CYP2W1: variants seen among roughly 807,000 people sequenced by gnomAD.
CYP2W1 encodes cytochrome P450 2W1.
A neutral mutation model predicts 44.9 loss-of-function variants in CYP2W1; 51 were observed. The ratio of observed to expected loss-of-function variants is 1.14; its 90% CI spans 0.91 to 1.43. The LOEUF (loss-of-function observed/expected upper bound fraction) is 1.43. Among genes scored for constraint, CYP2W1 ranks in the 40% most tolerant of loss-of-function variants. The pLI is 0.00. For synonymous variants in CYP2W1, 383 were observed against 338.3 expected, an observed-to-expected ratio of 1.13 and a Z score of -1.45; for missense variants, 746 against 700.0, an observed-to-expected ratio of 1.07 and a Z score of -0.74.
intron 8 of CYP2W1, 96 bp from the exon 9 acceptor site, chr7:988,539 G>C (rs772664067): frequency 1.3e-6 from 2 of 1,597,470 alleles, no homozygotes; most frequent in Admixed American, 1.7e-5. Context: ...AGGCGGCTGT[G>C]GTGGCTGCTC....
At chr7:988,002 GGGGGGTCCCCTCTGTGTGTCCT>G (rs539565924) in intron 7 of CYP2W1, among the ~76,000 whole-genome samples, 2 of 97,896 alleles carry the variant, frequency 2.0e-5, no homozygotes, top group African/African-American at 3.7e-5. Flanking sequence ...TGTGTGTCCT[GGGGGGTCCCCTCTGTGTGTCCT>G]GGGGGTCCCC....
Position 988,960 on chromosome 7 carries a change from G to A in CYP2W1, c.*138G>A. ...TCCCACCCTCACCCCCACCCCCACA[G>A]GGTCAGCAACTGCTTCCGGTTACAC... On this transcript the variant is annotated 3_prime_UTR_variant, in exon 9 of 9. Transcript: ENST00000308919. 1 of 601,484 alleles carries A rather than the reference G, an allele frequency of 1.7e-6. No individual in the cohort carries two copies. Among genetic ancestry groups the A allele is most frequent in the Non-Finnish European group, 2.9e-6 (1 of 348,320 alleles). 37.3% of individuals were successfully genotyped at this position (601,484 alleles called of 1,614,324 possible). A position where few individuals can be genotyped will look rare whatever the true frequency, so the allele number is the denominator to read the frequency against.
chr7:984,500 C>T lies in CYP2W1; in HGVS notation c.263C>T (p.Ala88Val), dbSNP rs545987026. The T allele has an allele frequency of 7.7e-6, 12 of 1,552,518 alleles. No individual in the cohort carries two copies. The African/African-American group carries it at 8.2e-5, about 11-fold the overall frequency. ...VLTGFEAVKE[A>V]LAGPGQELAD... ...ACGGGGTTCGAGGCGGTCAAAGAGG[C>T]GCTGGCGGGCCCCGGGCAGGAGCTG... Residue 88 changes from alanine (A) to valine (V), a missense_variant, in exon 2 of 9, where the codon GCG becomes GTG. Coordinates refer to ENST00000308919, the MANE Select transcript of CYP2W1 (RefSeq NM_017781.3).
chr7:987,995 G>A (rs1354472836), intron 7 of CYP2W1, among the ~76,000 whole-genome samples: 1 of 100,678 alleles, frequency 9.9e-6, no homozygotes, highest in Non-Finnish European at 2.3e-5. Context: ...TCCCCTCTGT[G>A]TGTCCTGGGG....
Position 988,946 on chromosome 7 carries a change from C to T in CYP2W1, c.*124C>T, listed in dbSNP as rs546003485. The T allele has an allele frequency of 4.7e-6, 3 of 633,348 alleles. No homozygotes were observed. Among genetic ancestry groups the T allele is most frequent in the South Asian group, 2.0e-5 (1 of 49,788 alleles). The allele number at this position is 633,348 out of a possible 1,614,324, so 39.2% of individuals were successfully genotyped here. A position where few individuals can be genotyped will look rare whatever the true frequency, so the allele number is the denominator to read the frequency against. On this transcript the variant is annotated 3_prime_UTR_variant, in exon 9 of 9. Transcript: ENST00000308919. ...AGGGCCCTGAGGACTCCCACCCTCA[C>T]CCCCACCCCCACAGGGTCAGCAACT... is the stretch of plus-strand genomic sequence containing the variant.
intron 7 of CYP2W1, among the ~76,000 whole-genome samples, chr7:987,900 CCT>C (rs1200757486): frequency 2.0e-5 from 3 of 147,630 alleles, no homozygotes; most frequent in African/African-American, 7.8e-5. Flanking sequence ...TGAGGGGTCC[CCT>C]CTGTGTGTCC....
At position 987,381 on chromosome 7, in the gene CYP2W1, C is replaced by T. The variant is rs1445981289; in HGVS notation, c.993C>T (p.Gly331=). The change falls in exon 7 of 9, where the codon GGC becomes GGT. Residue 331 remains glycine, a synonymous_variant. Transcript: ENST00000308919. ...AGGAGGAGCTAGACCGCGTGCTGGG[C>T]CCTGGGCGGACTCCCCGGCTGGAGG... ...RVQEELDRVL[G]PGRTPRLEDQ... The T allele has an allele frequency of 1.3e-6, 2 of 1,594,576 alleles. No individual in the cohort carries two copies. The highest frequency in any genetic ancestry group is 1.3e-5 in the African/African-American group (1 of 74,822).
In CYP2W1 at chr7:988,360, T is replaced by C. The variant is rs1346542770; in HGVS notation, c.1227T>C (p.His409=). 1 of 1,612,548 alleles carries C rather than the reference T, an allele frequency of 6.2e-7. No homozygotes were observed. The highest frequency in any genetic ancestry group is 1.3e-5 in the African/African-American group (1 of 74,896). ...WQTPGQFNPG[H]FLDANGHFVK... ...CCCCAGGCCAGTTCAACCCCGGCCA[T>C]TTCCTGGACGCGAATGGGCACTTTG... The change falls in exon 8 of 9, where the codon CAT becomes CAC. Residue 409 remains histidine (H), a synonymous_variant. Transcript: ENST00000308919.
At position 986,639 on chromosome 7, in the gene CYP2W1, C is replaced by G. The variant is rs764070881; in HGVS notation, c.661C>G (p.Pro221Ala). The change falls in exon 5 of 9, where the codon CCA (proline) becomes GCA (alanine). Residue 221 changes from proline (P) to alanine (A), a missense_variant. By Grantham distance (27) the Pro-to-Ala change is conservative. Transcript: ENST00000308919. The stretch of plus-strand genomic sequence containing the variant: ...TCCTGCCCAGCTGTTCAACGTCTAC[C>G]CATGGCTCGGGGCCCTGCTCCAGCT... The part of the protein sequence containing the change: ...SPGLQLFNVY[P>A]WLGALLQLHR... 3.1e-6 allele frequency: 5 copies of G among 1,612,602 alleles called. No individual in the cohort carries two copies. The African/African-American group carries it at 6.7e-5, about 22-fold the overall frequency.
chr7:986,387 G>A, intron 4 of CYP2W1: 1 of 571,200 alleles, frequency 1.8e-6, no homozygotes, highest in Non-Finnish European at 3.1e-6. Context: ...CAGGATGGAA[G>A]GAGGTCCTGC....
At position 986,801 on chromosome 7, in the gene CYP2W1, T is replaced by G. The variant is rs772222247; in HGVS notation, c.819+4T>G. 3 of 1,546,214 alleles carry G rather than the reference T, an allele frequency of 1.9e-6. No homozygotes were observed. The highest frequency in any genetic ancestry group is 4.6e-5 in the East Asian group (2 of 43,684). On this transcript the variant is annotated splice_donor_region_variant and intron_variant, in intron 5 of 8. Coordinates refer to ENST00000308919, the MANE Select transcript of CYP2W1 (RefSeq NM_017781.3). ...CGCCCTGATCCAGCAGGGACAGGTG[T>G]GTCGGGACCCAAGACCTCCTTGAAG... is the stretch of plus-strand genomic sequence containing the variant.
intron 4 of CYP2W1, among the ~76,000 whole-genome samples, chr7:986,223 G>A (rs1848333972): frequency 6.6e-6 from 1 of 152,196 alleles, no homozygotes; most frequent in Non-Finnish European, 1.5e-5. Flanking sequence ...AGCACCCGCT[G>A]GTGCCAGGCT....
At chr7:988,170 G>A (rs906042032) in intron 7 of CYP2W1, 107 bp from the exon 8 acceptor site, 28 of 1,309,602 alleles carry the variant, frequency 2.1e-5, no homozygotes, top group Middle Eastern at 4.0e-4. Flanking sequence ...CTAACACCAG[G>A]TGTGGTGGGT....
intron 6 of CYP2W1, 41 bp from the exon 7 acceptor site, chr7:987,306 G>A (rs1225730289): frequency 2.6e-6 from 4 of 1,530,344 alleles, no homozygotes; most frequent in Non-Finnish European, 3.5e-6. Context: ...CCAGGGACGA[G>A]GGATGGCGCT....
In CYP2W1 at chr7:988,272, C is replaced by A. The variant is rs988772253; in HGVS notation, c.1144-5C>A. The A allele has an allele frequency of 6.3e-6, 10 of 1,575,604 alleles. No individual in the cohort carries two copies. In the Admixed American group the frequency reaches 8.7e-5, roughly 14 times the overall value. On this transcript the variant is annotated splice_region_variant and splice_polypyrimidine_tract_variant and intron_variant, in intron 7 of 8. Transcript: ENST00000308919. ...CCTCTCTCTGTGCCCCGGCTGCCCC[C>A]ACAGGGCACGCCCGTGATTCCCCTG...
At position 985,078 on chromosome 7, in the gene CYP2W1, G is replaced by C; in HGVS notation, c.466G>C (p.Gly156Arg). The C allele has an allele frequency of 6.2e-7, 1 of 1,612,342 alleles. No individual in the cohort carries two copies. The highest frequency in any genetic ancestry group is 8.5e-7 in the Non-Finnish European group (1 of 1,179,746). The stretch of plus-strand genomic sequence containing the variant: ...TCTGCAGGAGCTGAAATGCCTCTCT[G>C]GGCAGCTGGATGGCTACAGAGGTGA... ...KILQELKCLS[G>R]QLDGYRGRPF... Residue 156 changes from glycine to arginine, a missense_variant, in exon 3 of 9, where the codon GGG (glycine) becomes CGG (arginine). Transcript: ENST00000308919.
At position 984,520 on chromosome 7, in the gene CYP2W1, G is replaced by C; in HGVS notation, c.283G>C (p.Glu95Gln). The C allele has an allele frequency of 6.4e-7, 1 of 1,553,182 alleles. No homozygotes were observed. The highest frequency in any genetic ancestry group is 1.4e-5 in the African/African-American group (1 of 73,476). Residue 95 changes from glutamate (E) to glutamine (Q), a missense_variant, in exon 2 of 9, where the codon GAG becomes CAG. By Grantham distance (29) the Glu-to-Gln change is conservative. Coordinates refer to ENST00000308919, the MANE Select transcript of CYP2W1 (RefSeq NM_017781.3). ...VKEALAGPGQ[E>Q]LADRPPIAIF... is the part of the protein sequence containing the mutation. Reference sequence around the variant, plus strand: ...AGAGGCGCTGGCGGGCCCCGGGCAGGAGCTGGCCGACCGGCCTCCCATCGC... The same window carrying C: ...AGAGGCGCTGGCGGGCCCCGGGCAGCAGCTGGCCGACCGGCCTCCCATCGC...
chr7:987,621 G>A, intron 7 of CYP2W1, 90 bp downstream of exon 7: 1 of 1,287,118 alleles, frequency 7.8e-7, no homozygotes, highest in Non-Finnish European at 1.0e-6. Context: ...AGCGTCTGGT[G>A]GGTGCCTGAT....
chr7:989,369 G>C lies in CYP2W1; in HGVS notation c.*547G>C, dbSNP rs920168187. ...AGCCACTGGGGCCATGCGTATGACT[G>C]GTGCAGGGAGGCAAGGCCCACATTC... is the stretch of plus-strand genomic sequence containing the variant. On this transcript the variant is annotated 3_prime_UTR_variant, in exon 9 of 9. Coordinates refer to ENST00000308919, the MANE Select transcript of CYP2W1 (RefSeq NM_017781.3). The C allele has an allele frequency of 6.4e-6, 1 of 155,542 alleles. No individual in the cohort carries two copies. Among genetic ancestry groups the C allele is most frequent in the Non-Finnish European group, 1.4e-5 (1 of 70,292 alleles). The allele number at this position is 155,542 out of a possible 1,614,324, so 9.6% of individuals were successfully genotyped here. A position where few individuals can be genotyped will look rare whatever the true frequency, so the allele number is the denominator to read the frequency against.
Sources: gnomAD v4.1 joint callset for allele counts (sites outside exome capture counted in the v4.1 genomes callset) on GRCh38, gnomAD v4.1.1 for gene constraint, MANE v1.5 for transcripts, NCBI Gene and HGNC (gene_info 2026-07-23, HGNC 2026-07-21) for gene names.